The following TMEM132A variants were observed in gnomAD, a reference collection of about 807,000 sequenced individuals.
The protein encoded by TMEM132A is GRP78-binding protein.
Under a neutral mutation model 69.9 loss-of-function variants are expected in TMEM132A, and 48 were observed. The observed-to-expected ratio is 0.69, with a 90% CI of 0.55 to 0.87. The LOEUF is 0.87. Ranked by LOEUF, TMEM132A falls within the 40% of genes least tolerant of loss-of-function variation. The pLI, the probability that TMEM132A is intolerant of heterozygous loss-of-function variation, is 0.00. For missense variants in TMEM132A, 1,287 were observed against 1,407.2 expected (o/e 0.91, Z 1.37); for synonymous variants, 577 against 613.7 (o/e 0.94, Z 0.88).
Position 60,935,818 on chromosome 11 carries a change from C to A in TMEM132A, c.2029-46C>A, listed in dbSNP as rs533470426. 1.3e-5 allele frequency: 20 copies of A among 1,593,930 alleles called. No homozygotes were observed. The Admixed American group carries it at 3.4e-4, about 27-fold the overall frequency. On this transcript the variant is annotated intron_variant, in intron 10 of 10. Transcript: ENST00000453848. This position sits in a 1 kb window ranked among gnomAD's most constrained non-coding sequence, Gnocchi z 5.0. ...TGTGGGAGTGGTTTCTCTGTGCATG[C>A]GTGCGTGCCCTCGCATGTCTCTGCC... is the stretch of plus-strand genomic sequence containing the variant.
intron 5 of TMEM132A, among the ~76,000 whole-genome samples, chr11:60,931,470 A>C (rs1352585886): frequency 2.0e-5 from 3 of 152,088 alleles, no homozygotes; most frequent in Admixed American, 2.0e-4. Flanking sequence ...GATCTTAGAG[A>C]GGCCAAGAGT....
chr11:60,933,593 G>C lies in TMEM132A; in HGVS notation c.1408G>C (p.Ala470Pro). The change falls in exon 8 of 11, where the codon GCC (alanine) becomes CCC (proline). Residue 470 changes from alanine (A) to proline (P), a missense_variant. Transcript: ENST00000453848. ...CGTGGCTGGCAAGGAGAGCCGGGGC[G>C]CCCGGGGGGTGCGAGTGGACTTCTG... ...VFVAGKESRG[A>P]RGVRVDFWWR... 2 of 1,607,412 alleles carry C rather than the reference G, an allele frequency of 1.2e-6. No homozygotes were observed. The highest frequency in any genetic ancestry group is 1.7e-6 in the Non-Finnish European group (2 of 1,179,264).
Position 60,933,635 on chromosome 11 carries a change from G to T in TMEM132A, c.1450G>T (p.Ala484Ser). The change falls in exon 8 of 11, where the codon GCC becomes TCC. Residue 484 changes from alanine to serine, a missense_variant. Physicochemically the swap from Ala to Ser is moderately conservative, Grantham distance 99. Transcript: ENST00000453848. Reference protein sequence around the residue: ...RVDFWWRRLRASLRLTVWAPL... With the variant: ...RVDFWWRRLRSSLRLTVWAPL... ...GGACTTCTGGTGGCGCCGGCTCCGC[G>T]CCTCGCTGCGGCTGACCGTGTGGGC... The T allele has an allele frequency of 6.2e-7, 1 of 1,605,446 alleles. No homozygotes were observed.
intron 1 of TMEM132A, chr11:60,925,836 T>C (rs1397437272): frequency 6.6e-6 from 1 of 152,334 alleles, no homozygotes; most frequent in Non-Finnish European, 1.5e-5. Context: ...AGCCCTGTCC[T>C]GTCCACAGTG....
At position 60,932,003 on chromosome 11, in the gene TMEM132A, C is replaced by T; in HGVS notation, c.1232C>T (p.Thr411Ile). The T allele has an allele frequency of 6.2e-7, 1 of 1,605,224 alleles. No individual in the cohort carries two copies. The highest frequency in any genetic ancestry group is 2.2e-5 in the East Asian group (1 of 44,800). ...CCCCAGGCTGAGGAGCTGGTGAATA[C>T]AGCACCACTGACTGGAGTGCCCCAG... ...PLAKAEELVN[T>I]APLTGVPQHV... Residue 411 changes from threonine to isoleucine, a missense_variant, in exon 7 of 11, where the codon ACA becomes ATA. Transcript: ENST00000453848.
intron 7 of TMEM132A, chr11:60,933,322 A>G (rs1856519219): frequency 5.3e-6 from 3 of 570,298 alleles, no homozygotes; most frequent in Admixed American, 6.2e-5. Context: ...AGCTAGGACT[A>G]CAGGCATGTG....
chr11:60,930,390 G>T (rs1452779766), intron 4 of TMEM132A, 120 bp from the exon 5 acceptor site: 1 of 1,208,342 alleles, frequency 8.3e-7, no homozygotes, highest in African/African-American at 1.6e-5. Context: ...GGATGGTGAA[G>T]AGGAGATTCA....
rs1205411291 is a variant in TMEM132A at position 60,924,527 on chromosome 11, G to C, written c.-107G>C. 1.3e-6 allele frequency: 1 copy of C among 780,642 alleles called. No homozygotes were observed. The highest frequency in any genetic ancestry group is 1.8e-6 in the Non-Finnish European group (1 of 564,768). 48.4% of individuals were successfully genotyped at this position (780,642 alleles called of 1,614,324 possible). On this transcript the variant is annotated 5_prime_UTR_variant, in exon 1 of 11. Transcript: ENST00000453848. ...GGCGGCGGCGGCGGCGGCGGCGGCCGGGACCCAGCGGGCCAGGTGGGGACG... is the reference window on the plus strand; with the variant it reads ...GGCGGCGGCGGCGGCGGCGGCGGCCCGGACCCAGCGGGCCAGGTGGGGACG...
chr11:60,927,282 G>A lies in TMEM132A; in HGVS notation c.179G>A (p.Arg60His), dbSNP rs759646320. Reference protein sequence around the residue: ...LELLDAPEHFRVQQVGHYPPA... With the variant: ...LELLDAPEHFHVQQVGHYPPA... ...CTCCTAGACGCCCCTGAACACTTCCGTGTGCAGCAGGTGGGCCACTACCCA... is the reference window on the plus strand; with the variant it reads ...CTCCTAGACGCCCCTGAACACTTCCATGTGCAGCAGGTGGGCCACTACCCA... The change falls in exon 2 of 11, where the codon CGT becomes CAT. Residue 60 changes from arginine (R) to histidine (H), a missense_variant. Arg to His is a conservative substitution (Grantham distance 29, BLOSUM62 0). Coordinates refer to ENST00000453848, the MANE Select transcript of TMEM132A (RefSeq NM_178031.3). 37 of 1,613,310 alleles carry A rather than the reference G, an allele frequency of 2.3e-5. No individual in the cohort carries two copies. In the Admixed American group the frequency reaches 3.2e-4, roughly 14 times the overall value.
chr11:60,935,121 G>A lies in TMEM132A; in HGVS notation c.1837-131G>A, dbSNP rs1223116853. ...GAGTACCCGGTTCCCTCTGGGTGGG[G>A]GCTGTCCGTGGCGAAGACCTCCCCC... On this transcript the variant is annotated intron_variant, in intron 9 of 10. Transcript: ENST00000453848. The surrounding 1 kb of genome is among the most constrained non-coding windows in gnomAD (Gnocchi z 5.0). 1.5e-5 allele frequency: 12 copies of A among 824,550 alleles called. No individual in the cohort carries two copies. The highest frequency in any genetic ancestry group is 2.6e-5 in the Admixed American group (1 of 39,102). The allele number at this position is 824,550 out of a possible 1,614,324, so 51.1% of individuals were successfully genotyped here.
At chr11:60,930,290 TTA>T (rs1856447189) in intron 4 of TMEM132A, among the ~76,000 whole-genome samples, 1 of 152,138 alleles carries the variant, frequency 6.6e-6, no homozygotes, top group Non-Finnish European at 1.5e-5. Context: ...AGCTTTGACC[TTA>T]TGGGCAGTGG....
At chr11:60,927,128 T>C in intron 1 of TMEM132A, 76 bp from the exon 2 acceptor site, 1 of 1,212,286 alleles carries the variant, frequency 8.2e-7, no homozygotes, top group Non-Finnish European at 1.2e-6. Context: ...ACAACTACTG[T>C]GCCCCAGCAT....
In TMEM132A at chr11:60,936,081, G is replaced by A. The variant is rs1364092994; in HGVS notation, c.2246G>A (p.Arg749His). Residue 749 changes from arginine (R) to histidine (H), a missense_variant, in exon 11 of 11, where the codon CGC (arginine) becomes CAC (histidine). Transcript: ENST00000453848. ...HVALHPPEPC[R>H]RGRHRVPLAS... is the part of the protein sequence containing the mutation. ...GCTCTGCACCCGCCCGAGCCCTGCC[G>A]CCGGGGCCGCCACCGTGTGCCTCTG... The A allele has an allele frequency of 8.1e-6, 13 of 1,608,446 alleles. No individual in the cohort carries two copies. The highest frequency in any genetic ancestry group is 3.3e-5 in the Admixed American group (2 of 59,738).
intron 1 of TMEM132A, chr11:60,925,215 T>C: frequency 6.5e-6 from 1 of 153,686 alleles, no homozygotes; most frequent in Non-Finnish European, 1.4e-5. Context: ...CAGGGCTCCC[T>C]GACCTTGGCG....
In TMEM132A at chr11:60,934,748, G is replaced by A; in HGVS notation, c.1820G>A (p.Gly607Asp). 4 of 1,603,820 alleles carry A rather than the reference G, an allele frequency of 2.5e-6. No individual in the cohort carries two copies. Among genetic ancestry groups the A allele is most frequent in the Non-Finnish European group, 3.4e-6 (4 of 1,175,444 alleles). ...GGRVVVGREPGVTSIEVRSPL... is the reference protein window; with the variant it reads ...GGRVVVGREPDVTSIEVRSPL... ...CGTGTCGTGGTGGGCCGGGAGCCCGGTGTCACCTCCATTGAGGTAAGCAGC... is the reference window on the plus strand; with the variant it reads ...CGTGTCGTGGTGGGCCGGGAGCCCGATGTCACCTCCATTGAGGTAAGCAGC... The change falls in exon 9 of 11, where the codon GGT becomes GAT. Residue 607 changes from glycine (G) to aspartate (D), a missense_variant. By Grantham distance (94) the Gly-to-Asp change is moderately conservative (BLOSUM62 -1). Coordinates refer to ENST00000453848, the MANE Select transcript of TMEM132A (RefSeq NM_178031.3).
chr11:60,931,740 C>T lies in TMEM132A; in HGVS notation c.1068C>T (p.Ser356=). The T allele has an allele frequency of 6.2e-7, 1 of 1,614,184 alleles. No homozygotes were observed. Among genetic ancestry groups the T allele is most frequent in the Non-Finnish European group, 8.5e-7 (1 of 1,180,024 alleles). ...GGGTGGACTTTGTGGTGGAGAATAG[C>T]ACTGGTGGGGGCGTAGCGGTCACTC... The part of the protein sequence containing the change: ...FLWVDFVVEN[S]TGGGVAVTRP... The change falls in exon 6 of 11, where the codon AGC becomes AGT. Residue 356 remains serine (S), a synonymous_variant. Coordinates refer to ENST00000453848, the MANE Select transcript of TMEM132A (RefSeq NM_178031.3).
rs1276604466 is a variant in TMEM132A at position 60,927,733 on chromosome 11, G to T, written c.408G>T (p.Glu136Asp). ...VSVEAAVTPA[E>D]PYARVLFHLK... The stretch of plus-strand genomic sequence containing the variant: ...TGGAAGCGGCTGTGACTCCAGCAGA[G>T]CCCTACGCCCGGGTTCTCTTCCACC... Residue 136 changes from glutamate (E) to aspartate (D), a missense_variant, in exon 3 of 11, where the codon GAG becomes GAT. Glu to Asp is a conservative substitution (Grantham distance 45, BLOSUM62 2). Transcript: ENST00000453848. 1.2e-6 allele frequency: 2 copies of T among 1,613,428 alleles called. No individual in the cohort carries two copies. Among genetic ancestry groups the T allele is most frequent in the African/African-American group, 2.7e-5 (2 of 74,924 alleles).
At position 60,930,547 on chromosome 11, in the gene TMEM132A, C is replaced by CGCCCA; in HGVS notation, c.915_919dup (p.Thr307SerfsTer57). 6.2e-7 allele frequency: 1 copy of CGCCCA among 1,610,514 alleles called. No homozygotes were observed. Among genetic ancestry groups the CGCCCA allele is most frequent in the South Asian group, 1.1e-5 (1 of 90,636 alleles). ...GAAGGGGCTGCATGTGACAGCCGCCCGCCCAGCCCAGCCCACACTCTGGAC... is the reference window on the plus strand; with the variant it reads ...GAAGGGGCTGCATGTGACAGCCGCCCGCCCAGCCCAGCCCAGCCCACACTCTGGAC... On this transcript the variant is annotated frameshift_variant, in exon 5 of 11. Transcript: ENST00000453848. LOFTEE classifies it high-confidence loss of function.
chr11:60,934,861 AGAGT>A, intron 9 of TMEM132A, 97 bp downstream of exon 9: 2 of 1,331,172 alleles, frequency 1.5e-6, no homozygotes. Flanking sequence ...CCAGGAGCCC[AGAGT>A]GTGTGGGGGA....
Sources: gnomAD v4.1 joint callset for allele counts (sites outside exome capture counted in the v4.1 genomes callset) on GRCh38, gnomAD v4.1.1 for gene constraint, Gnocchi (gnomAD v3.1) non-coding constraint, MANE v1.5 for transcripts, NCBI Gene and HGNC (gene_info 2026-07-23, HGNC 2026-07-21) for gene names.